TASP1: variants seen among roughly 807,000 people sequenced by gnomAD.
TASP1 encodes threonine aspartase 1.
Under a neutral mutation model 56.6 loss-of-function variants are expected in TASP1, and 16 were observed. The ratio of observed to expected loss-of-function variants is 0.28; its 90% CI spans 0.19 to 0.43. TASP1 has a LOEUF of 0.43. TASP1 is among the 20% of genes least tolerant of loss of function. TASP1 has a pLI of 1.00. For missense variants in TASP1, 393 were observed against 511.6 expected, an observed-to-expected ratio of 0.77 and a Z score of 2.24; for synonymous variants, 179 against 184.2, an observed-to-expected ratio of 0.97 and a Z score of 0.23.
chr20:13,160,872 G>C, the TASP1 span, among the ~76,000 whole-genome samples: 4 of 152,212 alleles, frequency 2.6e-5, no homozygotes, highest in Non-Finnish European at 5.9e-5. Context: ...TGAATTATTA[G>C]AGTGGAGAAG....
chr20:13,126,288 G>A, the TASP1 span, among the ~76,000 whole-genome samples: 1 of 152,152 alleles, frequency 6.6e-6, no homozygotes, highest in Admixed American at 6.5e-5. Flanking sequence ...CACATAGTAG[G>A]TACTCAACAA....
chr20:13,270,195 C>G, the TASP1 span, among the ~76,000 whole-genome samples: 1 of 152,172 alleles, frequency 6.6e-6, no homozygotes. Context: ...GGTTCCAGCT[C>G]TAAATGAACA....
chr20:13,406,148 T>G (rs1160935579), intron 13 of TASP1, among the ~76,000 whole-genome samples: 3 of 152,254 alleles, frequency 2.0e-5, no homozygotes, highest in African/African-American at 4.8e-5. Context: ...AGTTGATTTT[T>G]GCAGTTCTAG....
At chr20:13,368,191 G>C in the TASP1 span, 1 of 152,138 alleles carries the variant, frequency 6.6e-6, no homozygotes, top group Non-Finnish European at 1.5e-5. Flanking sequence ...GAAACTCCCA[G>C]GTGTATAGTA....
chr20:13,456,879 A>G (rs1309821710), intron 11 of TASP1, among the ~76,000 whole-genome samples: 2 of 152,188 alleles, frequency 1.3e-5, no homozygotes, highest in Non-Finnish European at 2.9e-5. Flanking sequence ...AATGGTCAGA[A>G]TAACCCACAA....
intron 11 of TASP1, among the ~76,000 whole-genome samples, chr20:13,449,708 A>G (rs2043545049): frequency 6.6e-6 from 1 of 152,158 alleles, no homozygotes; most frequent in Non-Finnish European, 1.5e-5. Flanking sequence ...ATACAGTTAC[A>G]TAATTATAAA....
chr20:13,567,155 T>TAG (rs1360619770), intron 7 of TASP1, among the ~76,000 whole-genome samples: 1 of 152,064 alleles, frequency 6.6e-6, no homozygotes, highest in Non-Finnish European at 1.5e-5. Flanking sequence ...CCATTATCCT[T>TAG]AGCAAACTAA....
chr20:13,118,075 C>G, the TASP1 span, among the ~76,000 whole-genome samples: 1 of 151,696 alleles, frequency 6.6e-6, no homozygotes, highest in Non-Finnish European at 1.5e-5. Context: ...TAATGGGGGG[C>G]CATATTTAAC....
intron 8 of TASP1, among the ~76,000 whole-genome samples, chr20:13,538,125 C>T (rs1489145139): frequency 6.6e-6 from 1 of 151,832 alleles, no homozygotes; most frequent in African/African-American, 2.4e-5. Flanking sequence ...GCCTCAGCTT[C>T]CCGAGTAGGG....
chr20:13,636,616 T>C (rs774182106), intron 1 of TASP1, among the ~76,000 whole-genome samples: 1 of 152,208 alleles, frequency 6.6e-6, no homozygotes. Context: ...ATGCCTTTTA[T>C]ACCATGTTTA....
At chr20:13,564,563 T>C (rs533246954) in intron 7 of TASP1, among the ~76,000 whole-genome samples, 5 of 152,024 alleles carry the variant, frequency 3.3e-5, no homozygotes, top group African/African-American at 1.2e-4. Context: ...AGTGTTTTTT[T>C]TTTTTTAAGA....
At chr20:13,365,028 T>C in the TASP1 span, among the ~76,000 whole-genome samples, 1 of 152,234 alleles carries the variant, frequency 6.6e-6, no homozygotes, top group Non-Finnish European at 1.5e-5. Context: ...ACAGATCAAT[T>C]TAACTTGAAT....
the TASP1 span, among the ~76,000 whole-genome samples, chr20:13,140,464 C>A: frequency 6.9e-3 from 1,044 of 152,160 alleles, 17 homozygotes; most frequent in African/African-American, 0.023. Context: ...AATTCTGAGC[C>A]CAGGTAGAGA....
chr20:13,201,144 A>C, the TASP1 span, among the ~76,000 whole-genome samples: 2 of 152,216 alleles, frequency 1.3e-5, no homozygotes, highest in Non-Finnish European at 2.9e-5. Flanking sequence ...CACAATCCTA[A>C]ATGGGTTTCA....
At chr20:13,445,514 C>T (rs1397570913) in intron 11 of TASP1, among the ~76,000 whole-genome samples, 1 of 152,164 alleles carries the variant, frequency 6.6e-6, no homozygotes, top group Non-Finnish European at 1.5e-5. Flanking sequence ...CATCCAGCAA[C>T]AGTGATGAGT....
chr20:13,270,750 C>A, the TASP1 span: 4 of 1,612,402 alleles, frequency 2.5e-6, no homozygotes, highest in Admixed American at 1.7e-5. Flanking sequence ...CCAGGTAATT[C>A]TTGGCACCTG....
intron 8 of TASP1, among the ~76,000 whole-genome samples, chr20:13,541,464 C>T (rs1327992779): frequency 6.6e-6 from 1 of 152,166 alleles, no homozygotes; most frequent in Non-Finnish European, 1.5e-5. Context: ...CTACTTAACA[C>T]TACAACCTGT....
intron 10 of TASP1, among the ~76,000 whole-genome samples, chr20:13,503,188 G>A (rs1467123262): frequency 2.0e-5 from 3 of 152,056 alleles, no homozygotes; most frequent in African/African-American, 7.2e-5. Context: ...CTGCACACAA[G>A]CCATGTGGGA....
At chr20:13,503,733 T>G (rs1034588048) in intron 10 of TASP1, among the ~76,000 whole-genome samples, 2 of 151,468 alleles carry the variant, frequency 1.3e-5, no homozygotes, top group African/African-American at 2.4e-5. Flanking sequence ...AAAACATACA[T>G]GAACAAAATA....
Sources: gnomAD v4.1 joint callset for allele counts (sites outside exome capture counted in the v4.1 genomes callset) on GRCh38, gnomAD v4.1.1 for gene constraint, MANE v1.5 for transcripts, NCBI Gene and HGNC (gene_info 2026-07-23, HGNC 2026-07-21) for gene names.